The following LEMD3 variants were observed in gnomAD, a reference collection of about 807,000 sequenced individuals.
LEMD3 encodes the protein LEM domain containing 3.
In LEMD3, 33 loss-of-function variants were observed where a neutral mutation model predicts 95.2. That is an observed-to-expected ratio of 0.35 (90% CI 0.26 to 0.46). LEMD3 has a LOEUF of 0.46. Ranked by LOEUF, LEMD3 falls within the 20% of genes least tolerant of loss-of-function variation. The pLI is 1.00. For synonymous variants in LEMD3, 525 were observed against 474.6 expected (o/e 1.11, Z -1.38); for missense variants, 1,210 against 1,192.8 (o/e 1.01, Z -0.21).
In LEMD3 at chr12:65,173,864, A is replaced by T. The variant is rs972072133; in HGVS notation, c.1522+2746A>T. 9.8e-5 allele frequency among the ~76,000 whole-genome samples: 15 copies of T among 152,330 alleles called. 1 individual carries two copies. Among genetic ancestry groups the T allele is most frequent in the Middle Eastern group, 3.4e-3 (1 of 294 alleles). ...GATGTATTGTATGTCTACCCTGTGG[A>T]AAGAAGTGCCTGCTAACTTCAGTTA... On this transcript the variant is annotated intron_variant, in intron 1 of 12. Coordinates refer to ENST00000308330, the MANE Select transcript of LEMD3 (RefSeq NM_014319.5).
At chr12:65,176,628 T>G (rs1868728377) in intron 1 of LEMD3, among the ~76,000 whole-genome samples, 1 of 152,214 alleles carries the variant, frequency 6.6e-6, no homozygotes, top group Non-Finnish European at 1.5e-5. Context: ...TAGAATACAG[T>G]GTTAAAGAGT....
intron 4 of LEMD3, among the ~76,000 whole-genome samples, chr12:65,224,349 G>A (rs1211192247): frequency 6.6e-6 from 1 of 152,050 alleles, no homozygotes; most frequent in East Asian, 1.9e-4. Context: ...TTTGAAGGAT[G>A]GTTTTTCTGG....
intron 1 of LEMD3, among the ~76,000 whole-genome samples, chr12:65,188,929 A>T (rs1212641807): frequency 6.6e-6 from 1 of 152,132 alleles, no homozygotes; most frequent in Admixed American, 6.6e-5. Context: ...TATCAGGAGG[A>T]TAATAGTAGT....
At position 65,170,627 on chromosome 12, in the gene LEMD3, G is replaced by A; in HGVS notation, c.1031G>A (p.Gly344Glu). The change falls in exon 1 of 13, where the codon GGA becomes GAA. Residue 344 changes from glycine to glutamate, a missense_variant. Physicochemically the swap from Gly to Glu is moderately conservative, Grantham distance 98 (BLOSUM62 -2). Coordinates refer to ENST00000308330, the MANE Select transcript of LEMD3 (RefSeq NM_014319.5). ...GAGGCGGCGGCCGCGGAGCAGGGAGGAGGGTGTGATCAAGTGGACTCCAGC... is the reference window on the plus strand; with the variant it reads ...GAGGCGGCGGCCGCGGAGCAGGGAGAAGGGTGTGATCAAGTGGACTCCAGC... The part of the protein sequence containing the change: ...LEEAAAAEQG[G>E]GCDQVDSSPV... 4 of 1,614,214 alleles carry A rather than the reference G, an allele frequency of 2.5e-6. No homozygotes were observed. Among genetic ancestry groups the A allele is most frequent in the Non-Finnish European group, 3.4e-6 (4 of 1,180,046 alleles).
intron 1 of LEMD3, 80 bp from the exon 2 acceptor site, chr12:65,210,846 C>A (rs1401584016): frequency 2.9e-6 from 3 of 1,045,976 alleles, no homozygotes; most frequent in Non-Finnish European, 4.5e-6. Context: ...AAAGTACATG[C>A]TGGCATTTCA....
chr12:65,206,254 A>G (rs1364454357), intron 1 of LEMD3, among the ~76,000 whole-genome samples: 3 of 152,170 alleles, frequency 2.0e-5, no homozygotes, highest in Admixed American at 6.5e-5. Context: ...ACAGAGAAAT[A>G]ACTGCTCATT....
chr12:65,169,941 A>C lies in LEMD3; in HGVS notation c.345A>C (p.Pro115=). Residue 115 remains proline, a synonymous_variant, in exon 1 of 13, where the codon CCA becomes CCC. Coordinates refer to ENST00000308330, the MANE Select transcript of LEMD3 (RefSeq NM_014319.5). ...GGLCRISASG[P]ESLLGGPGGA... ...TGTGCCGAATCTCGGCCTCTGGCCCAGAGAGCCTCCTGGGAGGGCCCGGGG... is the reference window on the plus strand; with the variant it reads ...TGTGCCGAATCTCGGCCTCTGGCCCCGAGAGCCTCCTGGGAGGGCCCGGGG... 6.9e-7 allele frequency: 1 copy of C among 1,453,454 alleles called. No individual in the cohort carries two copies. The highest frequency in any genetic ancestry group is 9.0e-7 in the Non-Finnish European group (1 of 1,111,090). 90.0% of individuals were successfully genotyped at this position (1,453,454 alleles called of 1,614,324 possible).
At chr12:65,181,604 C>T (rs1000785624) in intron 1 of LEMD3, among the ~76,000 whole-genome samples, 2 of 152,110 alleles carry the variant, frequency 1.3e-5, no homozygotes, top group Admixed American at 6.6e-5. Context: ...AAGCTTATCA[C>T]AGTGTATATA....
chr12:65,186,631 CTTTTTTTT>C (rs36112519), intron 1 of LEMD3, among the ~76,000 whole-genome samples: 1 of 80,220 alleles, frequency 1.2e-5, no homozygotes, highest in Non-Finnish European at 2.8e-5. Context: ...GTTTAGATTG[CTTTTTTTT>C]TTTTTTTTTT....
intron 1 of LEMD3, among the ~76,000 whole-genome samples, chr12:65,197,358 C>T (rs1260425830): frequency 6.6e-6 from 1 of 152,064 alleles, no homozygotes; most frequent in African/African-American, 2.4e-5. Flanking sequence ...TTCTCTCACT[C>T]CACTACAAGT....
chr12:65,245,629 A>G, intron 10 of LEMD3, 40 bp from the exon 11 acceptor site: 1 of 1,355,568 alleles, frequency 7.4e-7, no homozygotes, highest in South Asian at 1.2e-5. Context: ...TTTACCGAGT[A>G]GGAATATGGT....
At position 65,238,574 on chromosome 12, in the gene LEMD3, G is replaced by T; in HGVS notation, c.1768G>T (p.Gly590Ter). ...QWILENGKDV[G>*]IRCVGFGPEE... ...GATCTTAGAAAATGGAAAAGATGTT[G>T]GAATAAGGTAAAGGATCTGATTTCC... The change falls in exon 5 of 13, where the codon GGA becomes TGA. Residue 590 changes from glycine to a stop codon, truncating the protein, a stop_gained. Transcript: ENST00000308330. LOFTEE classifies it high-confidence loss of function. 6.2e-7 allele frequency: 1 copy of T among 1,611,940 alleles called. No homozygotes were observed. The highest frequency in any genetic ancestry group is 8.5e-7 in the Non-Finnish European group (1 of 1,178,098).
chr12:65,208,778 G>A (rs1363898868), intron 1 of LEMD3, among the ~76,000 whole-genome samples: 1 of 152,030 alleles, frequency 6.6e-6, no homozygotes, highest in Non-Finnish European at 1.5e-5. Context: ...CAATTATCAT[G>A]AGCATTTGGG....
chr12:65,223,887 G>A (rs966020652), intron 4 of LEMD3, among the ~76,000 whole-genome samples: 2 of 119,366 alleles, frequency 1.7e-5, no homozygotes, highest in Non-Finnish European at 1.7e-5. Context: ...TTTCTTTTAC[G>A]TGTGTTTTTT....
chr12:65,215,304 CCTT>C (rs1003035151), intron 2 of LEMD3, among the ~76,000 whole-genome samples: 21 of 152,120 alleles, frequency 1.4e-4, no homozygotes, highest in Admixed American at 1.3e-4. Context: ...CTCCTTCCCT[CCTT>C]CTATATTTAC....
intron 1 of LEMD3, among the ~76,000 whole-genome samples, chr12:65,195,223 C>T (rs574316084): frequency 1.2e-4 from 18 of 152,010 alleles, no homozygotes; most frequent in African/African-American, 2.7e-4. Context: ...TTCTTTAAGC[C>T]GATTAAATGG....
chr12:65,210,497 C>T (rs566624736), intron 1 of LEMD3, among the ~76,000 whole-genome samples: 1 of 152,100 alleles, frequency 6.6e-6, no homozygotes, highest in African/African-American at 2.4e-5. Context: ...AAGTGCTTGA[C>T]ACTGTGTCAA....
intron 1 of LEMD3, among the ~76,000 whole-genome samples, chr12:65,189,952 TA>T (rs1452033669): frequency 6.6e-6 from 1 of 152,146 alleles, no homozygotes; most frequent in Admixed American, 6.5e-5. Context: ...TTTTTAAAGT[TA>T]CTGGGCCTGC....
At chr12:65,194,015 G>C (rs995225366) in intron 1 of LEMD3, among the ~76,000 whole-genome samples, 2 of 152,084 alleles carry the variant, frequency 1.3e-5, no homozygotes, top group African/African-American at 4.8e-5. Flanking sequence ...ACAGCTGTTT[G>C]TATTAAACCA....
Sources: allele counts gnomAD v4.1 joint callset (sites outside exome capture counted in the v4.1 genomes callset), GRCh38; gene constraint gnomAD v4.1.1; transcripts MANE v1.5; gene names NCBI Gene and HGNC (gene_info 2026-07-23, HGNC 2026-07-21).